PTCH1: variants seen among roughly 807,000 people sequenced by gnomAD.
PTCH1 encodes patched 1.
Under a neutral mutation model 144.6 loss-of-function variants are expected in PTCH1, and 14 were observed. The ratio of observed to expected loss-of-function variants is 0.10; its 90% CI spans 0.06 to 0.15. The LOEUF (loss-of-function observed/expected upper bound fraction) is 0.15. PTCH1 is among the 10% of genes least tolerant of loss of function. PTCH1 has a pLI of 1.00. For synonymous variants in PTCH1, 833 were observed against 793.6 expected, an observed-to-expected ratio of 1.05 and a Z score of -0.83; for missense variants, 1,623 against 1,948.3, an observed-to-expected ratio of 0.83 and a Z score of 3.14.
At chr9:95,498,206 T>C (rs1842915105) in intron 2 of PTCH1, among the ~76,000 whole-genome samples, 1 of 152,224 alleles carries the variant, frequency 6.6e-6, no homozygotes, top group African/African-American at 2.4e-5. Context: ...TTTTCATTTA[T>C]CCGAACAATA....
At chr9:95,472,201 A>G (rs1265841890) in intron 12 of PTCH1, among the ~76,000 whole-genome samples, 1 of 152,222 alleles carries the variant, frequency 6.6e-6, no homozygotes, top group African/African-American at 2.4e-5. Context: ...TATGAAGATC[A>G]GATCGTTCAT....
intron 15 of PTCH1, among the ~76,000 whole-genome samples, chr9:95,463,248 AG>A (rs959520854): frequency 2.0e-5 from 3 of 152,026 alleles, no homozygotes; most frequent in Middle Eastern, 3.2e-3. Flanking sequence ...GGGGGAGCAC[AG>A]GCCCCCTTCT....
chr9:95,497,923 G>A (rs1053514224), intron 2 of PTCH1, among the ~76,000 whole-genome samples: 3 of 58,566 alleles, frequency 5.1e-5, no homozygotes, highest in African/African-American at 1.4e-4. Flanking sequence ...TCTCAATCTC[G>A]CACTCTTCTT....
At chr9:95,494,502 T>C (rs1223659562) in intron 2 of PTCH1, 2 of 952,594 alleles carry the variant, frequency 2.1e-6, no homozygotes, top group African/African-American at 1.8e-5. Context: ...GGCGGAAATG[T>C]CTTCCATCCG....
chr9:95,510,947 C>T (rs1170293260), upstream of PTCH1, among the ~76,000 whole-genome samples: 1 of 150,470 alleles, frequency 6.6e-6, no homozygotes, highest in Non-Finnish European at 1.5e-5. Context: ...GGGCCTCCAG[C>T]GCGGTCTCCC....
Position 95,507,030 on chromosome 9 carries a change from GGGGACGGGCGCTA to G in PTCH1, c.202-444_202-432del, listed in dbSNP as rs1843722836. 4 of 989,416 alleles carry G rather than the reference GGGGACGGGCGCTA, an allele frequency of 4.0e-6. No homozygotes were observed. In the African/African-American group the frequency reaches 7.0e-5, roughly 17 times the overall value. 61.3% of individuals were successfully genotyped at this position (989,416 alleles called of 1,614,324 possible). ...CAGTCCTGCTCTGTCCATCACCCTCGGGGACGGGCGCTAGGGGCGAGCGCTCTTTGGAACAACA... is the reference window on the plus strand; with the variant it reads ...CAGTCCTGCTCTGTCCATCACCCTCGGGGGCGAGCGCTCTTTGGAACAACA... On this transcript the variant is annotated intron_variant, in intron 1 of 23. Coordinates refer to ENST00000331920, the MANE Select transcript of PTCH1 (RefSeq NM_000264.5).
chr9:95,477,918 T>A (rs1469837078), intron 9 of PTCH1, 137 bp downstream of exon 9: 10 of 1,519,540 alleles, frequency 6.6e-6, no homozygotes, highest in Non-Finnish European at 3.6e-6. Flanking sequence ...TTTAAACCAC[T>A]GTGAAGCCAC....
intron 15 of PTCH1, among the ~76,000 whole-genome samples, chr9:95,466,579 G>A (rs1377701987): frequency 2.6e-5 from 4 of 152,088 alleles, no homozygotes; most frequent in Non-Finnish European, 5.9e-5. Flanking sequence ...AGGGGGATAT[G>A]GGCCATCTCA....
intron 16 of PTCH1, 42 bp from the exon 17 acceptor site, chr9:95,459,825 G>A (rs1839305621): frequency 6.2e-7 from 1 of 1,603,498 alleles, no homozygotes; most frequent in Non-Finnish European, 8.5e-7. Context: ...GAATGGGGTT[G>A]GGGGTAAACA....
chr9:95,508,070 GAAGA>G, intron 1 of PTCH1, 87 bp downstream of exon 1: 1 of 1,577,756 alleles, frequency 6.3e-7, no homozygotes, highest in East Asian at 2.3e-5. Context: ...AGAGAGAGAG[GAAGA>G]GAGTGTGTGT....
At chr9:95,453,288 C>T (rs574919794) in intron 20 of PTCH1, 190 bp downstream of exon 20, 28 of 739,492 alleles carry the variant, frequency 3.8e-5, no homozygotes, top group East Asian at 9.7e-5. Flanking sequence ...CCCACCACCA[C>T]GCCCGGCTAA....
intron 1 of PTCH1, chr9:95,507,265 A>C: frequency 5.1e-6 from 5 of 985,430 alleles, no homozygotes; most frequent in Non-Finnish European, 6.0e-6. Flanking sequence ...AGCCACATGG[A>C]TCTTTCCCTC....
intron 2 of PTCH1, among the ~76,000 whole-genome samples, chr9:95,505,758 T>G (rs901948454): frequency 2.6e-5 from 4 of 151,894 alleles, no homozygotes; most frequent in African/African-American, 9.7e-5. Flanking sequence ...TATTTTTTTT[T>G]CCACTCCTTC....
At chr9:95,460,033 A>G in intron 16 of PTCH1, 2 of 531,168 alleles carry the variant, frequency 3.8e-6, no homozygotes, top group South Asian at 4.0e-5. Flanking sequence ...GGCTGAACCA[A>G]TTAAATCTGA....
At chr9:95,487,749 T>G (rs1390189663) in intron 2 of PTCH1, among the ~76,000 whole-genome samples, 1 of 152,218 alleles carries the variant, frequency 6.6e-6, no homozygotes, top group Non-Finnish European at 1.5e-5. Context: ...TACTGCCTCC[T>G]CGAACATCAG....
chr9:95,502,583 A>T (rs985452626), intron 2 of PTCH1, among the ~76,000 whole-genome samples: 2 of 152,232 alleles, frequency 1.3e-5, no homozygotes, highest in African/African-American at 4.8e-5. Context: ...GACAATTTTG[A>T]TTAGCAAACA....
At chr9:95,501,913 G>T (rs1264751299) in intron 2 of PTCH1, among the ~76,000 whole-genome samples, 1 of 152,158 alleles carries the variant, frequency 6.6e-6, no homozygotes, top group Non-Finnish European at 1.5e-5. Context: ...TGAGATCCAG[G>T]TGAAGCATTC....
chr9:95,497,892 T>C (rs1350529223), intron 2 of PTCH1, among the ~76,000 whole-genome samples: 1 of 149,870 alleles, frequency 6.7e-6, no homozygotes. Flanking sequence ...AGCAGAGGGT[T>C]TACCCCCCCA....
rs1839197521 is a variant in PTCH1, at chr9:95,458,815, C to T, written c.2888-522G>A. Reference sequence around the variant, plus strand: ...ATTTAGTTACTGCCGTTGTGTGTTCCAGACCCTCTGGGGTCATTCAGTTGA... The same window carrying T: ...ATTTAGTTACTGCCGTTGTGTGTTCTAGACCCTCTGGGGTCATTCAGTTGA... On this transcript the variant is annotated intron_variant, in intron 17 of 23. Transcript: ENST00000331920. The surrounding 1 kb of genome is among the most constrained non-coding windows in gnomAD (Gnocchi z 4.7). Among the ~76,000 whole-genome samples, 2 of 152,234 alleles carry T rather than the reference C, an allele frequency of 1.3e-5. No homozygotes were observed. Among genetic ancestry groups the T allele is most frequent in the South Asian group, 4.1e-4 (2 of 4,828 alleles).
Sources: gnomAD v4.1 joint callset for allele counts (sites outside exome capture counted in the v4.1 genomes callset) on GRCh38, gnomAD v4.1.1 for gene constraint, Gnocchi (gnomAD v3.1) non-coding constraint, MANE v1.5 for transcripts, NCBI Gene and HGNC (gene_info 2026-07-23, HGNC 2026-07-21) for gene names.